The following CD109 variants were observed in gnomAD, a reference collection of about 807,000 sequenced individuals.
CD109 encodes CD109 antigen.
CD109 carries 149 observed loss-of-function variants against 165.8 expected under a neutral mutation model. That is an observed-to-expected ratio of 0.90 (90% CI 0.79 to 1.03). CD109 has a LOEUF of 1.03. CD109 is among the 50% of genes least tolerant of loss of function. The pLI is 0.00. For missense variants in CD109, 1,712 were observed against 1,677.8 expected, an observed-to-expected ratio of 1.02 and a Z score of -0.36; for synonymous variants, 585 against 592.1, an observed-to-expected ratio of 0.99 and a Z score of 0.18.
In CD109 at chr6:73,771,555, G is replaced by A. The variant is rs1004568002; in HGVS notation, c.1801G>A (p.Ala601Thr). ...AVDKSVNLMN[A>T]SNDITMENVV... ...TGACAAAAGTGTGAATCTGATGAAT[G>A]CCTCTAATGATATTACAATGGAAAA... Residue 601 changes from alanine (A) to threonine (T), a missense_variant, in exon 15 of 33, where the codon GCC (alanine) becomes ACC (threonine). Coordinates refer to ENST00000287097, the MANE Select transcript of CD109 (RefSeq NM_133493.5). 3 of 1,596,932 alleles carry A rather than the reference G, an allele frequency of 1.9e-6. No homozygotes were observed. Among genetic ancestry groups the A allele is most frequent in the African/African-American group, 2.7e-5 (2 of 74,120 alleles).
chr6:73,735,981 C>T (rs1402988273), intron 4 of CD109, among the ~76,000 whole-genome samples: 2 of 152,094 alleles, frequency 1.3e-5, no homozygotes, highest in East Asian at 3.8e-4. Context: ...TGTAGTGTTT[C>T]ATGTAGAAGG....
In CD109 at chr6:73,827,954, G is replaced by A. The variant is rs990873575; in HGVS notation, c.*4321G>A. 1 of 154,788 alleles carries A rather than the reference G, an allele frequency of 6.5e-6. No individual in the cohort carries two copies. Among genetic ancestry groups the A allele is most frequent in the Admixed American group, 6.5e-5 (1 of 15,278 alleles). The allele number at this position is 154,788 out of a possible 1,614,324, so 9.6% of individuals were successfully genotyped here. A position where few individuals can be genotyped will look rare whatever the true frequency, so the allele number is the denominator to read the frequency against. Reference sequence around the variant, plus strand: ...AATTGGTGGTAGAAGGTAGTTCCATGTTCCATTTGTAGATCTTTAAGATTT... The same window carrying A: ...AATTGGTGGTAGAAGGTAGTTCCATATTCCATTTGTAGATCTTTAAGATTT... On this transcript the variant is annotated 3_prime_UTR_variant, in exon 33 of 33. Coordinates refer to ENST00000287097, the MANE Select transcript of CD109 (RefSeq NM_133493.5).
At chr6:73,697,670 T>C (rs2150142667) in intron 2 of CD109, 98 bp downstream of exon 2, 2 of 963,878 alleles carry the variant, frequency 2.1e-6, no homozygotes, top group East Asian at 5.0e-5. Context: ...AACCCCAAAT[T>C]TGCAGTATCT....
intron 4 of CD109, 97 bp from the exon 5 acceptor site, chr6:73,736,286 C>G: frequency 7.5e-7 from 1 of 1,325,940 alleles, no homozygotes; most frequent in Non-Finnish European, 1.0e-6. Context: ...AGTTCTGGAC[C>G]TGGGTGGGAA....
Position 73,773,704 on chromosome 6 carries a change from C to T in CD109, c.1827+2123C>T, listed in dbSNP as rs1370910440. 2.0e-5 allele frequency among the ~76,000 whole-genome samples: 3 copies of T among 152,118 alleles called. No homozygotes were observed. The East Asian group carries it at 5.8e-4, about 29-fold the overall frequency. On this transcript the variant is annotated intron_variant, in intron 15 of 32. Coordinates refer to ENST00000287097, the MANE Select transcript of CD109 (RefSeq NM_133493.5). ...TCTACCTCTGTCTCCTCCTTCTCCT[C>T]CTACCCTGGCCAGATCATTTTGCTC...
chr6:73,814,168 G>A (rs888730713), intron 29 of CD109, among the ~76,000 whole-genome samples: 1 of 152,058 alleles, frequency 6.6e-6, no homozygotes, highest in Non-Finnish European at 1.5e-5. Flanking sequence ...GGGTGTGTGT[G>A]TATGTGTGTG....
chr6:73,721,081 T>TA (rs1771932177), intron 2 of CD109, among the ~76,000 whole-genome samples: 5 of 152,240 alleles, frequency 3.3e-5, no homozygotes, highest in African/African-American at 1.2e-4. Flanking sequence ...GTACTATGTA[T>TA]ATCTGTTCCA....
chr6:73,699,299 GC>G (rs752776252), intron 2 of CD109, among the ~76,000 whole-genome samples: 10 of 152,018 alleles, frequency 6.6e-5, no homozygotes, highest in Admixed American at 4.6e-4. Flanking sequence ...GTACACTAAA[GC>G]CCTATGACAG....
At chr6:73,704,566 G>C (rs1236159045) in intron 2 of CD109, among the ~76,000 whole-genome samples, 4 of 152,176 alleles carry the variant, frequency 2.6e-5, no homozygotes, top group African/African-American at 9.7e-5. Flanking sequence ...ATGAGTCACT[G>C]TCCTAGTGAC....
intron 2 of CD109, among the ~76,000 whole-genome samples, chr6:73,715,036 A>G (rs1368532792): frequency 6.6e-6 from 1 of 152,232 alleles, no homozygotes; most frequent in African/African-American, 2.4e-5. Context: ...AGGCGGGCAG[A>G]TCACTTGAGG....
At chr6:73,726,299 A>T (rs1772140621) in intron 3 of CD109, among the ~76,000 whole-genome samples, 1 of 152,220 alleles carries the variant, frequency 6.6e-6, no homozygotes. Context: ...CCCCAATATG[A>T]AGTAAATAAA....
chr6:73,822,630 C>T (rs925592999), intron 32 of CD109, among the ~76,000 whole-genome samples: 1 of 152,142 alleles, frequency 6.6e-6, no homozygotes, highest in Non-Finnish European at 1.5e-5. Context: ...ATTTATATTT[C>T]TTGGGTGCAT....
chr6:73,727,249 C>A (rs1393724465), intron 3 of CD109, among the ~76,000 whole-genome samples: 1 of 152,160 alleles, frequency 6.6e-6, no homozygotes, highest in Non-Finnish European at 1.5e-5. Context: ...TGCATTGACA[C>A]CACAAGACTC....
chr6:73,788,468 GC>G lies in CD109; in HGVS notation c.2558del (p.Ala853ValfsTer4). On this transcript the variant is annotated frameshift_variant and splice_region_variant, in exon 22 of 33. Coordinates refer to ENST00000287097, the MANE Select transcript of CD109 (RefSeq NM_133493.5). LOFTEE classifies it high-confidence loss of function. Reference protein sequence around the residue: ...DAVTQMILVKAEGIEKSYSQS... With the variant: ...DAVTQMILVKXEGIEKSYSQS... ...TAATTGTGTTCATTTTTTTCAACAG[GC>G]TGAAGGAATAGAAAAATCATATTCA... is the stretch of plus-strand genomic sequence containing the variant. 1.2e-6 allele frequency: 2 copies of G among 1,607,800 alleles called. No homozygotes were observed. The highest frequency in any genetic ancestry group is 1.7e-6 in the Non-Finnish European group (2 of 1,178,288).
At chr6:73,716,690 G>A (rs1038627977) in intron 2 of CD109, among the ~76,000 whole-genome samples, 27 of 152,278 alleles carry the variant, frequency 1.8e-4, no homozygotes, top group African/African-American at 6.0e-4. Context: ...AATCCCTTGT[G>A]AGATGAGTAG....
intron 2 of CD109, among the ~76,000 whole-genome samples, chr6:73,704,570 T>G (rs1190213956): frequency 6.6e-6 from 1 of 152,244 alleles, no homozygotes; most frequent in Non-Finnish European, 1.5e-5. Context: ...GTCACTGTCC[T>G]AGTGACTCAC....
intron 31 of CD109, among the ~76,000 whole-genome samples, chr6:73,820,185 G>A (rs1003327544): frequency 1.3e-5 from 2 of 152,232 alleles, no homozygotes; most frequent in Admixed American, 6.5e-5. Flanking sequence ...GGAGATCTAG[G>A]TGCATGCACC....
the CD109 span, among the ~76,000 whole-genome samples, chr6:73,687,394 CTCCT>C: frequency 2.0e-5 from 3 of 150,908 alleles, no homozygotes; most frequent in East Asian, 3.9e-4. Context: ...TCTCCTCTCT[CTCCT>C]TCCTTCCTTC....
At chr6:73,679,760 G>C in the CD109 span, among the ~76,000 whole-genome samples, 1 of 151,880 alleles carries the variant, frequency 6.6e-6, no homozygotes, top group Non-Finnish European at 1.5e-5. Flanking sequence ...CTCAGCCTTT[G>C]AGTAGCTGGG....
Sources: gnomAD v4.1 joint callset for allele counts (sites outside exome capture counted in the v4.1 genomes callset) on GRCh38, gnomAD v4.1.1 for gene constraint, MANE v1.5 for transcripts, NCBI Gene and HGNC (gene_info 2026-07-23, HGNC 2026-07-21) for gene names.